The following EEFSEC variants were observed in gnomAD, a reference collection of about 807,000 sequenced individuals.
The protein encoded by EEFSEC is eukaryotic elongation factor, selenocysteine-tRNA specific.
In EEFSEC, 43 loss-of-function variants were observed where a neutral mutation model predicts 42.1. The observed-to-expected ratio is 1.02, with a 90% CI of 0.80 to 1.32. The LOEUF (loss-of-function observed/expected upper bound fraction) is 1.32, where lower values mean the gene tolerates loss of function less well. EEFSEC is among the 40% of genes most tolerant of loss of function. The probability of loss-of-function intolerance (pLI) is 0.00; values close to 1 mark genes in which losing one functional copy is unlikely to be tolerated. For synonymous variants in EEFSEC, 354 were observed against 339.1 expected (o/e 1.04, Z -0.48); for missense variants, 745 against 803.6 (o/e 0.93, Z 0.88).
rs565773364 is a variant in EEFSEC at position 128,341,869 on chromosome 3, A to C, written c.1423A>C (p.Lys475Gln). The C allele has an allele frequency of 4.3e-6, 7 of 1,613,550 alleles. No individual in the cohort carries two copies. In the East Asian group the frequency reaches 1.1e-4, roughly 26 times the overall value. ...PRLKVYKLKH[K>Q]HGLVERAMDD... ...GCTGAAGGTGTACAAGCTGAAGCAC[A>C]AGCATGGCCTTGTGGAGCGGGTGAG... The change falls in exon 5 of 7, where the codon AAG (lysine) becomes CAG (glutamine). Residue 475 changes from lysine to glutamine, a missense_variant. By Grantham distance (53) the Lys-to-Gln change is moderately conservative. Coordinates refer to ENST00000254730, the MANE Select transcript of EEFSEC (RefSeq NM_021937.5).
intron 4 of EEFSEC, among the ~76,000 whole-genome samples, chr3:128,282,779 A>T (rs2066541483): frequency 1.3e-5 from 2 of 152,162 alleles, no homozygotes; most frequent in Non-Finnish European, 2.9e-5. Flanking sequence ...CCTTGGGGTT[A>T]GGCTGGCTCT....
chr3:128,290,644 T>A (rs2066633391), intron 4 of EEFSEC, among the ~76,000 whole-genome samples: 1 of 152,168 alleles, frequency 6.6e-6, no homozygotes, highest in African/African-American at 2.4e-5. Context: ...GAACAATTGA[T>A]ATCAGTATTG....
intron 6 of EEFSEC, among the ~76,000 whole-genome samples, chr3:128,368,122 T>G (rs1260266007): frequency 6.6e-6 from 1 of 152,200 alleles, no homozygotes. Context: ...AGATGGTGGT[T>G]GCATTTGGCA....
chr3:128,354,451 T>C (rs2067427456), intron 5 of EEFSEC, among the ~76,000 whole-genome samples: 1 of 152,188 alleles, frequency 6.6e-6, no homozygotes, highest in African/African-American at 2.4e-5. Flanking sequence ...TGTAGGTCAG[T>C]GAACCGAGCT....
the EEFSEC span, among the ~76,000 whole-genome samples, chr3:128,418,542 G>T: frequency 7.5e-6 from 1 of 132,798 alleles, no homozygotes; most frequent in South Asian, 2.5e-4. Context: ...AGCATCCCCC[G>T]TGCCCCACAG....
intron 1 of EEFSEC, among the ~76,000 whole-genome samples, chr3:128,172,525 C>T (rs560146196): frequency 3.9e-5 from 6 of 152,326 alleles, no homozygotes; most frequent in African/African-American, 1.4e-4. Flanking sequence ...TCTCAAACTC[C>T]TGGGCTCAAG....
rs148394564 is a variant in EEFSEC, at chr3:128,228,442, G to A, written c.317-18394G>A. On this transcript the variant is annotated intron_variant, in intron 1 of 6. Transcript: ENST00000254730. ...TGGGCCACGGTCCTGGGGTGATAGA[G>A]AGCATGGCTGAGTGAGGAGCTGAAG... Among the ~76,000 whole-genome samples, 293 of 152,316 alleles carry A rather than the reference G, an allele frequency of 1.9e-3. 3 individuals are homozygous for A. Among genetic ancestry groups the A allele is most frequent in the Non-Finnish European group, 1.2e-3 (82 of 68,030 alleles).
chr3:128,165,152 T>G (rs1457826095), intron 1 of EEFSEC, among the ~76,000 whole-genome samples: 1 of 152,140 alleles, frequency 6.6e-6, no homozygotes, highest in Non-Finnish European at 1.5e-5. Context: ...CCAGCCAGTC[T>G]CCTAGGGAGG....
intron 1 of EEFSEC, among the ~76,000 whole-genome samples, chr3:128,226,513 A>C (rs1397272719): frequency 6.6e-6 from 1 of 152,222 alleles, no homozygotes; most frequent in East Asian, 1.9e-4. Context: ...TCCGTGCAGC[A>C]CTGGCAGCTG....
chr3:128,351,537 A>G (rs1017134159), intron 5 of EEFSEC, among the ~76,000 whole-genome samples: 29 of 152,232 alleles, frequency 1.9e-4, no homozygotes, highest in Non-Finnish European at 3.7e-4. Context: ...GAATCGGCAC[A>G]GGGCTCCATT....
intron 4 of EEFSEC, among the ~76,000 whole-genome samples, chr3:128,322,834 G>A (rs941369842): frequency 5.3e-5 from 8 of 152,148 alleles, no homozygotes; most frequent in South Asian, 4.1e-4. Context: ...CTGCCACCCC[G>A]TCCCCACCTT....
At chr3:128,288,902 G>T (rs2066614005) in intron 4 of EEFSEC, among the ~76,000 whole-genome samples, 1 of 152,178 alleles carries the variant, frequency 6.6e-6, no homozygotes, top group East Asian at 1.9e-4. Context: ...CTCCTCATGG[G>T]TCCGTTGGTG....
intron 1 of EEFSEC, among the ~76,000 whole-genome samples, chr3:128,180,266 A>T (rs1218980646): frequency 6.6e-6 from 1 of 152,194 alleles, no homozygotes; most frequent in Non-Finnish European, 1.5e-5. Flanking sequence ...TTAACCTCTC[A>T]TGTGCTCTGT....
downstream of EEFSEC, among the ~76,000 whole-genome samples, chr3:128,409,269 C>T (rs950438721): frequency 6.6e-5 from 10 of 152,162 alleles, no homozygotes; most frequent in Admixed American, 4.6e-4. Flanking sequence ...TCCCAGTAAT[C>T]GGTGCATTAT....
chr3:128,222,454 A>AT (rs2065870854), intron 1 of EEFSEC, among the ~76,000 whole-genome samples: 1 of 152,180 alleles, frequency 6.6e-6, no homozygotes, highest in African/African-American at 2.4e-5. Context: ...CTATTTTGGC[A>AT]TTTTTTTCCT....
intron 2 of EEFSEC, among the ~76,000 whole-genome samples, chr3:128,256,944 T>A (rs1366456458): frequency 1.3e-5 from 2 of 152,160 alleles, no homozygotes; most frequent in Non-Finnish European, 2.9e-5. Context: ...GGGTTCTCTC[T>A]GTGTTGCCCA....
intron 1 of EEFSEC, among the ~76,000 whole-genome samples, chr3:128,228,953 C>T (rs1289109804): frequency 2.0e-5 from 3 of 152,136 alleles, no homozygotes; most frequent in Non-Finnish European, 4.4e-5. Context: ...GAAATTCCAG[C>T]CTGGTGTCTC....
intron 6 of EEFSEC, among the ~76,000 whole-genome samples, chr3:128,389,430 G>A (rs2067881520): frequency 6.6e-6 from 1 of 152,256 alleles, no homozygotes; most frequent in South Asian, 2.1e-4. Flanking sequence ...GTTGCCATAT[G>A]AGGACTCCAC....
chr3:128,403,171 G>A (rs1486393779), intron 6 of EEFSEC, among the ~76,000 whole-genome samples: 2 of 152,320 alleles, frequency 1.3e-5, no homozygotes, highest in African/African-American at 4.8e-5. Context: ...GTCCACAGGC[G>A]GAGGGATTGG....
Sources: gnomAD v4.1 joint callset for allele counts (sites outside exome capture counted in the v4.1 genomes callset) on GRCh38, gnomAD v4.1.1 for gene constraint, MANE v1.5 for transcripts, NCBI Gene and HGNC (gene_info 2026-07-23, HGNC 2026-07-21) for gene names.